Variants in XKR4 observed in about 807,000 individuals in gnomAD.
XKR4 encodes the protein XK related 4.
XKR4 carries 12 observed loss-of-function variants against 53.9 expected under a neutral mutation model. The observed-to-expected ratio is 0.22, with a 90% CI of 0.14 to 0.36. XKR4 has a LOEUF of 0.36. XKR4 is among the 10% of genes least tolerant of loss of function. XKR4 has a pLI of 1.00. For missense variants in XKR4, 799 were observed against 859.5 expected, an observed-to-expected ratio of 0.93 and a Z score of 0.88; for synonymous variants, 354 against 362.4, an observed-to-expected ratio of 0.98 and a Z score of 0.26.
chr8:55,121,703 T>A (rs1816393094), intron 1 of XKR4, among the ~76,000 whole-genome samples: 1 of 152,218 alleles, frequency 6.6e-6, no homozygotes, highest in East Asian at 1.9e-4. Context: ...AAAACTTGTC[T>A]TTGTACCTTG....
In XKR4 at chr8:55,526,394, T is replaced by C. The variant is rs149648220; in HGVS notation, c.*2167T>C. 1.6e-3 allele frequency: 237 copies of C among 152,298 alleles called. No individual in the cohort carries two copies. Among genetic ancestry groups the C allele is most frequent in the African/African-American group, 5.4e-3 (224 of 41,574 alleles). The allele number at this position is 152,298 out of a possible 1,614,324, so 9.4% of individuals were successfully genotyped here. A position where few individuals can be genotyped will look rare whatever the true frequency, so the allele number is the denominator to read the frequency against. ...AGTAGACATACTTCCTAGTACTCCA[T>C]GATTTGATCCTCCAAGCAAGATTTC... On this transcript the variant is annotated 3_prime_UTR_variant, in exon 3 of 3. Coordinates refer to ENST00000327381, the MANE Select transcript of XKR4 (RefSeq NM_052898.2).
intron 1 of XKR4, among the ~76,000 whole-genome samples, chr8:55,210,426 G>T (rs1394965714): frequency 6.6e-6 from 1 of 152,136 alleles, no homozygotes; most frequent in Non-Finnish European, 1.5e-5. Flanking sequence ...ATTTGCATTT[G>T]TCTAGGTAGT....
At chr8:55,319,076 C>T (rs893168672) in intron 1 of XKR4, among the ~76,000 whole-genome samples, 6 of 152,068 alleles carry the variant, frequency 3.9e-5, no homozygotes, top group Non-Finnish European at 8.8e-5. Context: ...CTCTCTGCAA[C>T]TAATTTTTTC....
rs1026821091 is a variant in XKR4 at position 55,474,045 on chromosome 8, T to C, written c.1007-49236T>C. On this transcript the variant is annotated intron_variant, in intron 2 of 2. Transcript: ENST00000327381. ...TCAGGCTCTCCAGTAGCTAGGACTA[T>C]AGGAGCACATCACCACACCCAACTG... Among the ~76,000 whole-genome samples the C allele has an allele frequency of 3.2e-4, 48 of 152,144 alleles. 1 individual carries two copies. The highest frequency in any genetic ancestry group is 1.1e-3 in the African/African-American group (47 of 41,454).
At chr8:55,332,591 T>C (rs1803397877) in intron 1 of XKR4, among the ~76,000 whole-genome samples, 1 of 152,136 alleles carries the variant, frequency 6.6e-6, no homozygotes, top group Non-Finnish European at 1.5e-5. Flanking sequence ...AGTTGACAGT[T>C]TTTTCCCCCT....
At position 55,315,649 on chromosome 8, in the gene XKR4, A is replaced by G. The variant is rs116295564; in HGVS notation, c.807-42029A>G. 2.3e-3 allele frequency among the ~76,000 whole-genome samples: 345 copies of G among 152,276 alleles called. 1 individual carries two copies. The highest frequency in any genetic ancestry group is 7.9e-3 in the African/African-American group (330 of 41,540). On this transcript the variant is annotated intron_variant, in intron 1 of 2. Transcript: ENST00000327381. ...ACTCCAGCCTGAGTGACAGAGCAAGACCCTGTCTCTAAAAACATAAAACCA... is the reference window on the plus strand; with the variant it reads ...ACTCCAGCCTGAGTGACAGAGCAAGGCCCTGTCTCTAAAAACATAAAACCA...
chr8:55,522,151 A>G (rs990455753), intron 2 of XKR4, among the ~76,000 whole-genome samples: 1 of 152,232 alleles, frequency 6.6e-6, no homozygotes, highest in Non-Finnish European at 1.5e-5. Flanking sequence ...TCTGGACGAT[A>G]GAGATGAACT....
chr8:55,455,171 G>C (rs1474222605), intron 2 of XKR4: 4 of 523,442 alleles, frequency 7.6e-6, no homozygotes, highest in African/African-American at 1.9e-5. Flanking sequence ...TCCGCGGCTC[G>C]GGGACTCGAG....
In XKR4 at chr8:55,540,318, A is replaced by G. The variant is rs1807082636; in HGVS notation, c.*16091A>G. ...GAAAACATATGGAAATTCTCTTTTGATCAAAAGGAGTGTCTCCCAATTAGT... is the reference window on the plus strand; with the variant it reads ...GAAAACATATGGAAATTCTCTTTTGGTCAAAAGGAGTGTCTCCCAATTAGT... On this transcript the variant is annotated 3_prime_UTR_variant, in exon 3 of 3. Coordinates refer to ENST00000327381, the MANE Select transcript of XKR4 (RefSeq NM_052898.2). 6.6e-6 allele frequency: 1 copy of G among 152,212 alleles called. No homozygotes were observed. The highest frequency in any genetic ancestry group is 1.5e-5 in the Non-Finnish European group (1 of 68,034). 9.4% of individuals were successfully genotyped at this position (152,212 alleles called of 1,614,324 possible).
intron 1 of XKR4, among the ~76,000 whole-genome samples, chr8:55,329,162 C>T (rs1803345603): frequency 6.6e-6 from 1 of 152,024 alleles, no homozygotes; most frequent in South Asian, 2.1e-4. Context: ...TGCCCCTGCC[C>T]CAGGATAGTA....
At chr8:55,330,429 A>G (rs1375919627) in intron 1 of XKR4, among the ~76,000 whole-genome samples, 1 of 152,212 alleles carries the variant, frequency 6.6e-6, no homozygotes, top group Non-Finnish European at 1.5e-5. Context: ...TATCTGACAC[A>G]TGGTAAGCAA....
At chr8:55,457,158 T>G (rs1337187728) in intron 2 of XKR4, among the ~76,000 whole-genome samples, 1 of 150,792 alleles carries the variant, frequency 6.6e-6, no homozygotes, top group East Asian at 1.9e-4. Context: ...TTTTTTTTTT[T>G]TTGAGACTGA....
intron 2 of XKR4, among the ~76,000 whole-genome samples, chr8:55,390,409 G>GT (rs891113485): frequency 6.6e-6 from 1 of 152,134 alleles, no homozygotes; most frequent in East Asian, 1.9e-4. Context: ...TCTGAAAAGG[G>GT]TTTTTTACAA....
intron 1 of XKR4, among the ~76,000 whole-genome samples, chr8:55,305,073 C>T (rs1176543823): frequency 6.6e-6 from 1 of 152,102 alleles, no homozygotes; most frequent in African/African-American, 2.4e-5. Flanking sequence ...AGATTGGGCT[C>T]AGCCAGTGGC....
At chr8:55,187,305 C>CAAAAAA (rs1168014848) in intron 1 of XKR4, among the ~76,000 whole-genome samples, 30 of 95,680 alleles carry the variant, frequency 3.1e-4, no homozygotes, top group Non-Finnish European at 3.5e-4. Flanking sequence ...TTTCCAGGAC[C>CAAAAAA]AAAAAAAAAA....
At chr8:55,483,262 T>C (rs950987803) in intron 2 of XKR4, among the ~76,000 whole-genome samples, 5 of 152,188 alleles carry the variant, frequency 3.3e-5, no homozygotes, top group African/African-American at 1.2e-4. Flanking sequence ...TTTTCTAAAC[T>C]AAGAAGATTT....
chr8:55,340,881 A>G (rs1803535090), intron 1 of XKR4, among the ~76,000 whole-genome samples: 1 of 152,160 alleles, frequency 6.6e-6, no homozygotes, highest in Non-Finnish European at 1.5e-5. Context: ...AGCAGCCTGC[A>G]TGGGTCACAC....
chr8:55,451,225 C>T (rs1345661194), intron 2 of XKR4: 8 of 568,014 alleles, frequency 1.4e-5, no homozygotes, highest in African/African-American at 7.6e-5. Context: ...TGGGAGCCCA[C>T]ATTGGCACCA....
intron 2 of XKR4, among the ~76,000 whole-genome samples, chr8:55,387,286 C>T (rs1325405894): frequency 6.6e-6 from 1 of 152,220 alleles, no homozygotes; most frequent in Non-Finnish European, 1.5e-5. Context: ...GTAAAACCTC[C>T]TGGGGATCTG....
Sources: allele counts gnomAD v4.1 joint callset (sites outside exome capture counted in the v4.1 genomes callset), GRCh38; gene constraint gnomAD v4.1.1; transcripts MANE v1.5; gene names NCBI Gene and HGNC (gene_info 2026-07-23, HGNC 2026-07-21).